The following ARHGAP26 variants were observed in gnomAD, a reference collection of about 807,000 sequenced individuals.
ARHGAP26 encodes the protein rho GTPase-activating protein 26.
ARHGAP26 carries 38 observed loss-of-function variants against 104.8 expected under a neutral mutation model. The ratio of observed to expected loss-of-function variants is 0.36; its 90% CI spans 0.28 to 0.48. The LOEUF (loss-of-function observed/expected upper bound fraction) is 0.48, where lower values mean the gene tolerates loss of function less well. Ranked by LOEUF, ARHGAP26 falls within the 20% of genes least tolerant of loss-of-function variation. The pLI is 0.99. For synonymous variants in ARHGAP26, 341 were observed against 340.0 expected, an observed-to-expected ratio of 1.00 and a Z score of -0.03; for missense variants, 704 against 947.9, an observed-to-expected ratio of 0.74 and a Z score of 3.38.
chr5:142,890,151 A>AAAAAAAT (rs1252590997), intron 5 of ARHGAP26, among the ~76,000 whole-genome samples: 11 of 32,430 alleles, frequency 3.4e-4, no homozygotes, highest in East Asian at 1.4e-3. Context: ...AAAAAAAAAA[A>AAAAAAAT]ATATATATAT....
intron 11 of ARHGAP26, among the ~76,000 whole-genome samples, chr5:142,986,655 T>C (rs1379958268): frequency 1.3e-5 from 2 of 152,220 alleles, no homozygotes; most frequent in East Asian, 3.8e-4. Context: ...ATTTAAGTCT[T>C]TAATCCATCT....
At chr5:142,929,060 C>T (rs1428506786) in intron 10 of ARHGAP26, among the ~76,000 whole-genome samples, 2 of 152,210 alleles carry the variant, frequency 1.3e-5, no homozygotes, top group African/African-American at 2.4e-5. Context: ...GCGTCAGCCT[C>T]CCGAGTAGCT....
chr5:142,936,416 G>T (rs1372626749), intron 11 of ARHGAP26, among the ~76,000 whole-genome samples: 1 of 152,010 alleles, frequency 6.6e-6, no homozygotes, highest in Non-Finnish European at 1.5e-5. Flanking sequence ...TTAATGGGTT[G>T]GAAAAATCAA....
intron 14 of ARHGAP26, among the ~76,000 whole-genome samples, chr5:143,052,190 G>A (rs1039412319): frequency 9.2e-5 from 14 of 152,148 alleles, no homozygotes; most frequent in Admixed American, 9.2e-4. Context: ...TATGCTCTTG[G>A]GCCAGGCGCG....
chr5:142,985,283 G>C (rs1598486420), intron 11 of ARHGAP26, among the ~76,000 whole-genome samples: 1 of 144,554 alleles, frequency 6.9e-6, no homozygotes, highest in African/African-American at 2.6e-5. Context: ...AAATTAAAAA[G>C]GTTGTAAAGT....
At chr5:143,110,123 A>G (rs1039015013) in intron 17 of ARHGAP26, among the ~76,000 whole-genome samples, 5 of 152,196 alleles carry the variant, frequency 3.3e-5, no homozygotes, top group Admixed American at 2.6e-4. Flanking sequence ...CTTCTCCATG[A>G]GATGTCCTTG....
chr5:142,907,666 G>A (rs1159200563), intron 8 of ARHGAP26, 38 bp from the exon 9 acceptor site: 1 of 1,427,286 alleles, frequency 7.0e-7, no homozygotes, highest in East Asian at 2.3e-5. Context: ...GCATACAGTG[G>A]AATGTATAGA....
chr5:143,055,001 A>G (rs889541037), intron 15 of ARHGAP26, among the ~76,000 whole-genome samples: 1 of 152,228 alleles, frequency 6.6e-6, no homozygotes, highest in African/African-American at 2.4e-5. Context: ...ACTGGACAAT[A>G]TTATTTCTCT....
chr5:143,181,471 G>A lies in ARHGAP26; in HGVS notation c.1989-25727G>A, dbSNP rs1013444164. Among the ~76,000 whole-genome samples the A allele has an allele frequency of 3.3e-5, 5 of 152,112 alleles. No homozygotes were observed. The South Asian group carries it at 8.3e-4, about 25-fold the overall frequency. Reference sequence around the variant, plus strand: ...TTCCTCCTCCATGCTCCCTAAACTTGATGGGAGAACTCTCGCGTGTTAGGG... The same window carrying A: ...TTCCTCCTCCATGCTCCCTAAACTTAATGGGAGAACTCTCGCGTGTTAGGG... On this transcript the variant is annotated intron_variant, in intron 20 of 22. Transcript: ENST00000645722.
intron 9 of ARHGAP26, chr5:142,908,719 C>T (rs1317588330): frequency 6.0e-6 from 1 of 166,460 alleles, no homozygotes; most frequent in East Asian, 1.9e-4. Flanking sequence ...GCATCAAAGT[C>T]TCATTGTAGG....
At chr5:142,862,104 T>C (rs2152311340) in intron 1 of ARHGAP26, among the ~76,000 whole-genome samples, 1 of 152,326 alleles carries the variant, frequency 6.6e-6, no homozygotes, top group South Asian at 2.1e-4. Context: ...CCTTTTTTTC[T>C]TTTTGTTCTT....
chr5:142,924,799 A>G (rs1022551146), intron 10 of ARHGAP26, among the ~76,000 whole-genome samples: 1 of 152,232 alleles, frequency 6.6e-6, no homozygotes, highest in African/African-American at 2.4e-5. Flanking sequence ...CAGTGATGGC[A>G]CTGTGTCCTT....
At chr5:143,217,300 G>A (rs906951084) in intron 22 of ARHGAP26, among the ~76,000 whole-genome samples, 1 of 152,088 alleles carries the variant, frequency 6.6e-6, no homozygotes. Flanking sequence ...TCAGCTCATG[G>A]GCTTTGTGCA....
At chr5:143,156,831 A>T (rs564234859) in intron 20 of ARHGAP26, among the ~76,000 whole-genome samples, 32 of 152,336 alleles carry the variant, frequency 2.1e-4, no homozygotes, top group African/African-American at 6.7e-4. Context: ...TGCTTTTCAC[A>T]GGAACCTATT....
In ARHGAP26 at chr5:143,117,088, A is replaced by G. The variant is rs183599444; in HGVS notation, c.1539-3900A>G. On this transcript the variant is annotated intron_variant, in intron 17 of 22. Transcript: ENST00000645722. ...ACGTGGATGTAGGGATCTGAAAAGCATGTGTCAAAGACTCCTTCACTGCAA... is the reference window on the plus strand; with the variant it reads ...ACGTGGATGTAGGGATCTGAAAAGCGTGTGTCAAAGACTCCTTCACTGCAA... Among the ~76,000 whole-genome samples the G allele has an allele frequency of 8.5e-5, 13 of 152,348 alleles. No individual in the cohort carries two copies. In the East Asian group the frequency reaches 2.5e-3, roughly 29 times the overall value.
intron 17 of ARHGAP26, among the ~76,000 whole-genome samples, chr5:143,097,549 G>T (rs1432489990): frequency 6.6e-6 from 1 of 151,848 alleles, no homozygotes; most frequent in African/African-American, 2.4e-5. Context: ...GGCCGGGCGC[G>T]GTGGCTCACG....
At chr5:142,841,232 C>T (rs564477603) in intron 1 of ARHGAP26, among the ~76,000 whole-genome samples, 1 of 152,228 alleles carries the variant, frequency 6.6e-6, no homozygotes, top group Non-Finnish European at 1.5e-5. Flanking sequence ...CAATGAGACA[C>T]AAATCACTGT....
chr5:142,792,475 A>AT (rs1364402759), intron 1 of ARHGAP26, among the ~76,000 whole-genome samples: 1 of 152,158 alleles, frequency 6.6e-6, no homozygotes, highest in African/African-American at 2.4e-5. Flanking sequence ...CCTCTTCTCT[A>AT]TTTTTGCTCA....
chr5:143,139,307 T>C (rs1798249880), intron 19 of ARHGAP26, among the ~76,000 whole-genome samples: 1 of 152,222 alleles, frequency 6.6e-6, no homozygotes, highest in Non-Finnish European at 1.5e-5. Context: ...TAGGTTCTTA[T>C]ATCCACATTT....
Sources: allele counts gnomAD v4.1 joint callset (sites outside exome capture counted in the v4.1 genomes callset), GRCh38; gene constraint gnomAD v4.1.1; transcripts MANE v1.5; gene names NCBI Gene and HGNC (gene_info 2026-07-23, HGNC 2026-07-21).